Variants in ENTREP2 observed in about 807,000 individuals in gnomAD.
ENTREP2 encodes the protein endosomal transmembrane epsin interactor 2.
chr15:29,527,849 C>T, the ENTREP2 span, among the ~76,000 whole-genome samples: 3 of 152,124 alleles, frequency 2.0e-5, no homozygotes, highest in East Asian at 3.9e-4. Flanking sequence ...GATGCTTCAG[C>T]GGACCCCTCT....
the ENTREP2 span, among the ~76,000 whole-genome samples, chr15:29,497,677 C>G: frequency 6.6e-6 from 1 of 151,786 alleles, no homozygotes; most frequent in African/African-American, 2.4e-5. Context: ...CTTCTTTTTT[C>G]TTAATCTAAT....
the ENTREP2 span, among the ~76,000 whole-genome samples, chr15:29,657,448 G>A: frequency 2.2e-5 from 3 of 137,784 alleles, no homozygotes; most frequent in Admixed American, 7.7e-5. Context: ...ACACAGAAGT[G>A]GACCCCTGCG....
chr15:29,572,590 G>A, the ENTREP2 span, among the ~76,000 whole-genome samples: 1 of 150,228 alleles, frequency 6.7e-6, no homozygotes, highest in Non-Finnish European at 1.5e-5. Context: ...GAACAAAACA[G>A]ACAAAAATCC....
At chr15:29,426,135 C>T in the ENTREP2 span, among the ~76,000 whole-genome samples, 1,715 of 152,004 alleles carry the variant, frequency 0.011, 34 homozygotes, top group African/African-American at 0.04. Context: ...TTGGCTTGTG[C>T]ACTACAAGTC....
chr15:29,152,229 G>A, the ENTREP2 span, among the ~76,000 whole-genome samples: 1 of 152,062 alleles, frequency 6.6e-6, no homozygotes, highest in Non-Finnish European at 1.5e-5. Context: ...ACATGCAATT[G>A]TAAGAAATCC....
chr15:29,222,203 G>C, the ENTREP2 span, among the ~76,000 whole-genome samples: 2 of 152,192 alleles, frequency 1.3e-5, no homozygotes, highest in South Asian at 2.1e-4. Flanking sequence ...AACCAAGATG[G>C]TGACAAGAGT....
chr15:29,644,813 T>C, the ENTREP2 span, among the ~76,000 whole-genome samples: 1 of 61,258 alleles, frequency 1.6e-5, no homozygotes. Flanking sequence ...TCCATCTCCA[T>C]AAAAAAAAAA....
At chr15:29,145,231 A>G in the ENTREP2 span, among the ~76,000 whole-genome samples, 1 of 152,242 alleles carries the variant, frequency 6.6e-6, no homozygotes, top group Non-Finnish European at 1.5e-5. Flanking sequence ...CAATCTGTGT[A>G]ATTCAACATA....
the ENTREP2 span, among the ~76,000 whole-genome samples, chr15:29,352,262 C>G: frequency 1.3e-5 from 2 of 152,096 alleles, no homozygotes; most frequent in Non-Finnish European, 2.9e-5. Context: ...CTCAAAAGAT[C>G]CCATATAGAA....
At chr15:29,600,898 C>CAATGATACGTTCTAA in the ENTREP2 span, among the ~76,000 whole-genome samples, 1 of 125,436 alleles carries the variant, frequency 8.0e-6, no homozygotes, top group African/African-American at 3.8e-5. Context: ...TATGATTTTT[C>CAATGATACGTTCTAA]TTTCTTTTTT....
At chr15:29,148,173 T>C in the ENTREP2 span, among the ~76,000 whole-genome samples, 2 of 152,202 alleles carry the variant, frequency 1.3e-5, no homozygotes, top group African/African-American at 4.8e-5. Flanking sequence ...CTAAAGGCTA[T>C]AGGGTCTCTC....
the ENTREP2 span, among the ~76,000 whole-genome samples, chr15:29,392,802 T>C: frequency 1.3e-5 from 2 of 152,346 alleles, no homozygotes; most frequent in East Asian, 3.9e-4. Flanking sequence ...TGTTTGTCCT[T>C]CACATTCCAT....
chr15:29,371,911 A>AATAAATAGATAG, the ENTREP2 span, among the ~76,000 whole-genome samples: 5 of 149,498 alleles, frequency 3.3e-5, no homozygotes, highest in Non-Finnish European at 7.4e-5. Flanking sequence ...AAAATAAATA[A>AATAAATAGATAG]ATAGATAGAT....
chr15:29,643,676 G>A, the ENTREP2 span, among the ~76,000 whole-genome samples: 7,448 of 151,802 alleles, frequency 0.049, 206 homozygotes, highest in South Asian at 0.066. Flanking sequence ...AGCTACTCTG[G>A]AGGCTGAGGC....
At chr15:29,245,008 C>A in the ENTREP2 span, among the ~76,000 whole-genome samples, 1 of 152,162 alleles carries the variant, frequency 6.6e-6, no homozygotes, top group Non-Finnish European at 1.5e-5. Context: ...AGCAACTACA[C>A]AGAAAAGCAA....
At chr15:29,373,533 A>G in the ENTREP2 span, 6 of 152,208 alleles carry the variant, frequency 3.9e-5, no homozygotes, top group Admixed American at 3.3e-4. Flanking sequence ...ACAAAAAACT[A>G]AACTATAGAC....
the ENTREP2 span, among the ~76,000 whole-genome samples, chr15:29,150,052 G>A: frequency 1.3e-5 from 2 of 152,162 alleles, no homozygotes; most frequent in East Asian, 3.9e-4. Context: ...ACATTGCTGC[G>A]ACGTCCCAGT....
the ENTREP2 span, among the ~76,000 whole-genome samples, chr15:29,282,743 C>A: frequency 2.6e-5 from 4 of 152,222 alleles, no homozygotes; most frequent in African/African-American, 9.6e-5. Context: ...GAAGTTTTAA[C>A]CCGAGGCTGT....
chr15:29,295,728 T>C, the ENTREP2 span, among the ~76,000 whole-genome samples: 2 of 152,214 alleles, frequency 1.3e-5, no homozygotes, highest in African/African-American at 4.8e-5. Context: ...ATAACCATCC[T>C]GGCTACTAAG....
Sources: allele counts gnomAD v4.1 joint callset (sites outside exome capture counted in the v4.1 genomes callset), GRCh38; gene constraint gnomAD v4.1.1; transcripts MANE v1.5; gene names NCBI Gene and HGNC (gene_info 2026-07-23, HGNC 2026-07-21).